The following SKI variants were observed in gnomAD, a reference collection of about 807,000 sequenced individuals.
SKI encodes the protein SKI proto-oncogene, also known as ski oncogene.
A neutral mutation model predicts 59.3 loss-of-function variants in SKI; 23 were observed. The ratio of observed to expected loss-of-function variants is 0.39; its 90% confidence interval spans 0.28 to 0.55. The LOEUF (loss-of-function observed/expected upper bound fraction) is 0.55. Among genes scored for constraint, SKI ranks in the 20% least tolerant of loss-of-function variants. SKI has a pLI of 0.67. For synonymous variants in SKI, 673 were observed against 488.6 expected, an observed-to-expected ratio of 1.38 and a Z score of -4.98; for missense variants, 1,017 against 1,038.9, an observed-to-expected ratio of 0.98 and a Z score of 0.29.
At chr1:2,274,394 A>T (rs957863637) in intron 1 of SKI, among the ~76,000 whole-genome samples, 4 of 152,010 alleles carry the variant, frequency 2.6e-5, no homozygotes, top group African/African-American at 9.7e-5. Context: ...ACGACCACCC[A>T]TGACGGCTGT....
intron 6 of SKI, 126 bp downstream of exon 6, chr1:2,306,376 G>A: frequency 1.9e-6 from 2 of 1,054,302 alleles, no homozygotes; most frequent in Non-Finnish European, 2.7e-6. Context: ...CACGTTCCGT[G>A]CGTGCCCCCC....
chr1:2,228,852 T>G lies in SKI; in HGVS notation c.86T>G (p.Met29Arg), dbSNP rs779415339. 15 of 1,423,320 alleles carry G rather than the reference T, an allele frequency of 1.1e-5. No individual in the cohort carries two copies. In the African/African-American group the frequency reaches 1.3e-4, roughly 13 times the overall value. 88.2% of individuals were successfully genotyped at this position (1,423,320 alleles called of 1,614,324 possible). Reference sequence around the variant, plus strand: ...CTGGAGCAGTTCCACCTGAGCTCCATGAGCTCGCTGGGCGGCCCGGCCGCT... The same window carrying G: ...CTGGAGCAGTTCCACCTGAGCTCCAGGAGCTCGCTGGGCGGCCCGGCCGCT... ...KTLEQFHLSS[M>R]SSLGGPAAFS... The change falls in exon 1 of 7, where the codon ATG becomes AGG. Residue 29 changes from methionine (M) to arginine (R), a missense_variant. Physicochemically the swap from Met to Arg is moderately conservative, Grantham distance 91 (BLOSUM62 -1). Transcript: ENST00000378536.
intron 1 of SKI, among the ~76,000 whole-genome samples, chr1:2,260,829 A>G (rs150616065): frequency 5.9e-5 from 9 of 152,210 alleles, no homozygotes; most frequent in African/African-American, 2.2e-4. Flanking sequence ...GTGAGCCACT[A>G]CGTCCGGCCT....
Position 2,276,850 on chromosome 1 carries a change from G to A in SKI, c.970-26128G>A, listed in dbSNP as rs546049064. On this transcript the variant is annotated intron_variant, in intron 1 of 6. Transcript: ENST00000378536. ...CTCCGTTCCTGACATGTTCAGGAAC[G>A]CCTCTGTTGAGGTTTTTCTCTTTGG... Among the ~76,000 whole-genome samples the A allele has an allele frequency of 3.2e-3, 486 of 152,308 alleles. 4 individuals are homozygous for A. Among genetic ancestry groups the A allele is most frequent in the African/African-American group, 0.011 (457 of 41,576 alleles).
chr1:2,282,337 C>T (rs1249061248), intron 1 of SKI, among the ~76,000 whole-genome samples: 1 of 6,498 alleles, frequency 1.5e-4, no homozygotes, highest in Non-Finnish European at 3.1e-4. Flanking sequence ...AGAGGACGCC[C>T]GAGAAGACAG....
At chr1:2,289,994 A>G (rs749293430) in intron 1 of SKI, among the ~76,000 whole-genome samples, 23 of 152,016 alleles carry the variant, frequency 1.5e-4, no homozygotes, top group Admixed American at 1.3e-4. Context: ...CCCTCCTTGG[A>G]GTCTTTCCTC....
chr1:2,305,554 G>A (rs1640550229), intron 5 of SKI, among the ~76,000 whole-genome samples: 1 of 152,236 alleles, frequency 6.6e-6, no homozygotes, highest in South Asian at 2.1e-4. Context: ...TGGGGTGTGA[G>A]TCACACGGAT....
At chr1:2,293,962 C>T (rs1157734366) in intron 1 of SKI, among the ~76,000 whole-genome samples, 1 of 152,256 alleles carries the variant, frequency 6.6e-6, no homozygotes, top group Admixed American at 6.5e-5. Context: ...ATGGGGGCCA[C>T]TCTGGGCTTT....
intron 1 of SKI, among the ~76,000 whole-genome samples, chr1:2,257,242 T>C (rs905823873): frequency 2.0e-5 from 3 of 152,276 alleles, no homozygotes; most frequent in Admixed American, 2.0e-4. Context: ...TTCCTCTGCA[T>C]TCCTTTGGTT....
intron 1 of SKI, among the ~76,000 whole-genome samples, chr1:2,266,234 C>T (rs1343857517): frequency 1.3e-5 from 2 of 152,120 alleles, no homozygotes; most frequent in Admixed American, 6.5e-5. Context: ...AAGCCTCAGG[C>T]CTGTTGTCTC....
intron 1 of SKI, among the ~76,000 whole-genome samples, chr1:2,274,485 C>A (rs1002979252): frequency 1.3e-5 from 2 of 152,044 alleles, no homozygotes; most frequent in African/African-American, 2.4e-5. Flanking sequence ...CACCCGAGGG[C>A]CCGTGTCCTG....
chr1:2,300,888 C>T (rs1317284950), intron 1 of SKI, among the ~76,000 whole-genome samples: 1 of 152,154 alleles, frequency 6.6e-6, no homozygotes, highest in Non-Finnish European at 1.5e-5. Context: ...GGGCTCGGGG[C>T]CCCGGGCCTA....
rs1016686151 is a variant in SKI, at chr1:2,270,160, A to G, written c.970-32818A>G. The stretch of plus-strand genomic sequence containing the variant: ...TACAGCCAGGCAGTAAAGTGTGGCC[A>G]GCACCTTGCTGCAAGAGAGGGACAG... On this transcript the variant is annotated intron_variant, in intron 1 of 6. Coordinates refer to ENST00000378536, the MANE Select transcript of SKI (RefSeq NM_003036.4). This position sits in a 1 kb window ranked among gnomAD's most constrained non-coding sequence, Gnocchi z 4.1. Among the ~76,000 whole-genome samples, 10 of 152,300 alleles carry G rather than the reference A, an allele frequency of 6.6e-5. 1 individual carries two copies. In the East Asian group the frequency reaches 1.9e-3, roughly 29 times the overall value.
Position 2,280,704 on chromosome 1 carries a change from A to G in SKI, c.970-22274A>G, listed in dbSNP as rs377306648. ...ATCTTCAGAGAGAGGACGCCCGAGA[A>G]GACAGGCGGCGGCGGCGATCTTCAG... On this transcript the variant is annotated intron_variant, in intron 1 of 6. Transcript: ENST00000378536. 5.0e-3 allele frequency among the ~76,000 whole-genome samples: 64 copies of G among 12,726 alleles called. 1 individual carries two copies. The highest frequency in any genetic ancestry group is 0.038 in the East Asian group (16 of 424). The allele number at this position is 12,726 out of a possible 152,430, so 8.3% of individuals were successfully genotyped here. A position where few individuals can be genotyped will look rare whatever the true frequency, so the allele number is the denominator to read the frequency against.
chr1:2,300,212 C>T (rs936938994), intron 1 of SKI, among the ~76,000 whole-genome samples: 2 of 152,222 alleles, frequency 1.3e-5, no homozygotes, highest in African/African-American at 4.8e-5. Flanking sequence ...GAAGTGGCCG[C>T]GGGGCAGCGC....
At chr1:2,264,682 A>G (rs1207682245) in intron 1 of SKI, among the ~76,000 whole-genome samples, 1 of 152,172 alleles carries the variant, frequency 6.6e-6, no homozygotes, top group Non-Finnish European at 1.5e-5. Context: ...TTACACAGGC[A>G]TGAGCCACCG....
In SKI at chr1:2,306,576, G is replaced by T; in HGVS notation, c.1999-1G>T. 6.5e-7 allele frequency: 1 copy of T among 1,542,090 alleles called. No individual in the cohort carries two copies. The highest frequency in any genetic ancestry group is 2.0e-5 in the Admixed American group (1 of 50,912). Reference sequence around the variant, plus strand: ...CCGCTGACCACTCGGCTCCCTTTCAGATCGAAGACCTGCAGGTGAAGCTGC... The same window carrying T: ...CCGCTGACCACTCGGCTCCCTTTCATATCGAAGACCTGCAGGTGAAGCTGC... On this transcript the variant is annotated splice_acceptor_variant, in intron 6 of 6. Transcript: ENST00000378536. LOFTEE classifies it high-confidence loss of function.
intron 1 of SKI, among the ~76,000 whole-genome samples, chr1:2,245,550 G>A (rs1638973726): frequency 6.6e-6 from 1 of 152,156 alleles, no homozygotes; most frequent in Non-Finnish European, 1.5e-5. Flanking sequence ...TCGGCTCACT[G>A]CAGCCTCCAC....
chr1:2,272,112 CA>C (rs1427316056), intron 1 of SKI, among the ~76,000 whole-genome samples: 1 of 152,236 alleles, frequency 6.6e-6, no homozygotes, highest in Non-Finnish European at 1.5e-5. Flanking sequence ...GAGGCCGGGT[CA>C]AAAGGTCACT....
Sources: allele counts gnomAD v4.1 joint callset (sites outside exome capture counted in the v4.1 genomes callset), GRCh38; gene constraint gnomAD v4.1.1; non-coding constraint Gnocchi (gnomAD v3.1); transcripts MANE v1.5; gene names NCBI Gene and HGNC (gene_info 2026-07-23, HGNC 2026-07-21).